GLRA3: variants seen among roughly 807,000 people sequenced by gnomAD.
GLRA3 encodes glycine receptor alpha 3.
In GLRA3, 44 loss-of-function variants were observed where a neutral mutation model predicts 60.4. That is an observed-to-expected ratio of 0.73 (90% confidence interval 0.57 to 0.94). The LOEUF is 0.94. GLRA3 is among the 40% of genes least tolerant of loss of function. The probability of loss-of-function intolerance (pLI) is 0.00; values close to 1 mark genes in which losing one functional copy is unlikely to be tolerated. For missense variants in GLRA3, 508 were observed against 564.6 expected (o/e 0.90, Z 1.02); for synonymous variants, 223 against 192.9 (o/e 1.16, Z -1.29).
chr4:174,730,748 C>A (rs1309543739), intron 3 of GLRA3, among the ~76,000 whole-genome samples: 1 of 152,096 alleles, frequency 6.6e-6, no homozygotes, highest in Non-Finnish European at 1.5e-5. Context: ...AAGGAAAAAG[C>A]AACAGTCACC....
intron 1 of GLRA3, among the ~76,000 whole-genome samples, chr4:174,799,331 G>C (rs534507969): frequency 1.4e-4 from 21 of 152,114 alleles, no homozygotes; most frequent in African/African-American, 5.1e-4. Flanking sequence ...AACTAGAAAA[G>C]GTTCTTTAAA....
At chr4:174,730,809 AAT>A (rs1182867666) in intron 3 of GLRA3, among the ~76,000 whole-genome samples, 1 of 152,166 alleles carries the variant, frequency 6.6e-6, no homozygotes, top group African/African-American at 2.4e-5. Context: ...CTCTTTCTGA[AAT>A]ATCTCTATCT....
chr4:174,690,733 C>T (rs762333825), intron 5 of GLRA3, among the ~76,000 whole-genome samples: 1 of 152,134 alleles, frequency 6.6e-6, no homozygotes, highest in African/African-American at 2.4e-5. Flanking sequence ...TCATTTGGTT[C>T]CCACTTATAA....
At position 174,760,389 on chromosome 4, in the gene GLRA3, A is replaced by G. The variant is rs537226368; in HGVS notation, c.267+6574T>C. On this transcript the variant is annotated intron_variant, in intron 3 of 9. Coordinates refer to ENST00000274093, the MANE Select transcript of GLRA3 (RefSeq NM_006529.4). The stretch of plus-strand genomic sequence containing the variant: ...TAGGTGCTTCAAACAGAATGACCAC[A>G]TTGGAGAGCAATTTAGTAATTTGAA... Among the ~76,000 whole-genome samples the G allele has an allele frequency of 8.1e-4, 123 of 152,342 alleles. 1 individual carries two copies. Among genetic ancestry groups the G allele is most frequent in the Non-Finnish European group, 1.3e-4 (9 of 68,034 alleles).
At chr4:174,661,705 T>C (rs934671319) in intron 7 of GLRA3, among the ~76,000 whole-genome samples, 9 of 152,184 alleles carry the variant, frequency 5.9e-5, no homozygotes, top group African/African-American at 1.9e-4. Flanking sequence ...GGCAGCATCC[T>C]TGACTCTGGT....
intron 4 of GLRA3, among the ~76,000 whole-genome samples, chr4:174,727,677 A>G (rs761326089): frequency 1.1e-4 from 16 of 152,190 alleles, no homozygotes; most frequent in South Asian, 2.1e-4. Flanking sequence ...GTAGCTATTT[A>G]CTGACTCTAC....
intron 5 of GLRA3, chr4:174,713,747 C>G (rs17298280): frequency 0.15 from 23,497 of 152,190 alleles, 2,387 homozygotes; most frequent in South Asian, 0.23. Context: ...TCTTAAGCGT[C>G]TGTTCTTGTT....
chr4:174,708,259 T>C (rs181209317), intron 5 of GLRA3, among the ~76,000 whole-genome samples: 84 of 152,252 alleles, frequency 5.5e-4, no homozygotes, highest in Middle Eastern at 3.4e-3. Flanking sequence ...CTTAGCTAAT[T>C]TAGCATAAAT....
At chr4:174,747,505 TAGAA>T (rs1561092878) in intron 3 of GLRA3, among the ~76,000 whole-genome samples, 1 of 152,130 alleles carries the variant, frequency 6.6e-6, no homozygotes, top group Non-Finnish European at 1.5e-5. Flanking sequence ...ATTTGAGTTT[TAGAA>T]AGATCCAGGG....
At chr4:174,689,756 TAAAAAAAAAAA>T (rs553306775) in intron 5 of GLRA3, among the ~76,000 whole-genome samples, 77 of 39,546 alleles carry the variant, frequency 1.9e-3, no homozygotes, top group African/African-American at 7.5e-3. Context: ...TAAGTCGCAT[TAAAAAAAAAAA>T]AAAAAAAAAA....
At chr4:174,799,015 C>G (rs188392583) in intron 1 of GLRA3, among the ~76,000 whole-genome samples, 2 of 152,206 alleles carry the variant, frequency 1.3e-5, no homozygotes, top group African/African-American at 4.8e-5. Flanking sequence ...ATTCTTGTCA[C>G]TGTCAGCAAT....
At chr4:174,779,298 C>A (rs1738766489) in intron 2 of GLRA3, among the ~76,000 whole-genome samples, 1 of 152,030 alleles carries the variant, frequency 6.6e-6, no homozygotes, top group Non-Finnish European at 1.5e-5. Flanking sequence ...AACATCCACA[C>A]CAAAAACCCA....
chr4:174,799,961 G>C (rs1051187366), intron 1 of GLRA3, among the ~76,000 whole-genome samples: 2 of 152,034 alleles, frequency 1.3e-5, no homozygotes, highest in Admixed American at 6.6e-5. Flanking sequence ...CAGTGATTAA[G>C]CTTTATATGT....
At position 174,644,028 on chromosome 4, in the gene GLRA3, C is replaced by T. The variant is rs766164934; in HGVS notation, c.1153G>A (p.Ala385Thr). The T allele has an allele frequency of 6.2e-7, 1 of 1,613,576 alleles. No individual in the cohort carries two copies. The highest frequency in any genetic ancestry group is 8.5e-7 in the Non-Finnish European group (1 of 1,179,780). Residue 385 changes from alanine (A) to threonine (T), a missense_variant, in exon 10 of 10, where the codon GCC (alanine) becomes ACC (threonine). Ala to Thr is a moderately conservative substitution (Grantham distance 58). Coordinates refer to ENST00000274093, the MANE Select transcript of GLRA3 (RefSeq NM_006529.4). ...TGTAGACATGGTCCCATTCCATAGG[C>T]TGTGAAGCTGAATCGGCTTTCCCTT... ...EVRESRFSFT[A>T]YGMGPCLQAK...
rs59015877 is a variant in GLRA3, at chr4:174,825,586, A to G, written c.71+3155T>C. ...CCCTGCTTTTGGAAGTTGTTCTGCA[A>G]GCTCTTCATAATCATCACTTATCTG... On this transcript the variant is annotated intron_variant, in intron 1 of 9. Coordinates refer to ENST00000274093, the MANE Select transcript of GLRA3 (RefSeq NM_006529.4). 6.4e-3 allele frequency among the ~76,000 whole-genome samples: 976 copies of G among 152,228 alleles called. 8 individuals are homozygous for G. The highest frequency in any genetic ancestry group is 0.023 in the African/African-American group (951 of 41,570).
intron 9 of GLRA3, among the ~76,000 whole-genome samples, chr4:174,654,464 G>T (rs1290206801): frequency 6.6e-6 from 1 of 151,988 alleles, no homozygotes; most frequent in African/African-American, 2.4e-5. Context: ...ACTTGGCTAG[G>T]ATTTCTTAAA....
At chr4:174,821,061 T>C (rs1262881849) in intron 1 of GLRA3, among the ~76,000 whole-genome samples, 2 of 152,344 alleles carry the variant, frequency 1.3e-5, no homozygotes, top group Middle Eastern at 3.4e-3. Context: ...ACTTTTTACA[T>C]GTATTTGACA....
chr4:174,676,449 A>G (rs1734119828), intron 7 of GLRA3, among the ~76,000 whole-genome samples: 1 of 152,158 alleles, frequency 6.6e-6, no homozygotes, highest in African/African-American at 2.4e-5. Flanking sequence ...ATCAATGCAT[A>G]TGGCTATCAC....
intron 7 of GLRA3, among the ~76,000 whole-genome samples, chr4:174,666,736 A>G (rs1733679096): frequency 1.0e-5 from 1 of 97,782 alleles, no homozygotes; most frequent in Admixed American, 1.1e-4. Flanking sequence ...CATCTCAAAT[A>G]AGAATATATA....
Sources: gnomAD v4.1 joint callset for allele counts (sites outside exome capture counted in the v4.1 genomes callset) on GRCh38, gnomAD v4.1.1 for gene constraint, MANE v1.5 for transcripts, NCBI Gene and HGNC (gene_info 2026-07-23, HGNC 2026-07-21) for gene names.